The following CEP290 variants were observed in gnomAD, a reference collection of about 807,000 sequenced individuals.
CEP290 encodes the protein centrosomal protein 290.
In CEP290, 317 loss-of-function variants were observed where a neutral mutation model predicts 344.9. That is an observed-to-expected ratio of 0.92 (90% CI 0.84 to 1.01). The LOEUF is 1.01. CEP290 is among the 50% of genes least tolerant of loss of function. The probability of loss-of-function intolerance (pLI) is 0.00; values close to 1 mark genes in which losing one functional copy is unlikely to be tolerated. For synonymous variants in CEP290, 932 were observed against 895.8 expected (o/e 1.04, Z -0.72); for missense variants, 2,754 against 2,761.4 (o/e 1.00, Z 0.06).
chr12:88,118,374 A>G, intron 17 of CEP290, 109 bp downstream of exon 17: 1 of 807,928 alleles, frequency 1.2e-6, no homozygotes, highest in Non-Finnish European at 2.0e-6. Flanking sequence ...TTAAATTTGT[A>G]GCAGATCCAC....
chr12:88,086,531 C>A, intron 32 of CEP290, 33 bp from the exon 33 acceptor site: 2 of 1,469,380 alleles, frequency 1.4e-6, no homozygotes, highest in Non-Finnish European at 9.3e-7. Context: ...CAGACACATA[C>A]ACGAAGACAT....
chr12:88,077,834 C>A lies in CEP290; in HGVS notation c.5449G>T (p.Asp1817Tyr), dbSNP rs1565822715. 2 of 1,507,086 alleles carry A rather than the reference C, an allele frequency of 1.3e-6. No homozygotes were observed. Among genetic ancestry groups the A allele is most frequent in the Non-Finnish European group, 1.8e-6 (2 of 1,101,540 alleles). The allele number at this position is 1,507,086 out of a possible 1,614,324, so 93.4% of individuals were successfully genotyped here. A position where few individuals can be genotyped will look rare whatever the true frequency, so the allele number is the denominator to read the frequency against. The change falls in exon 40 of 54, where the codon GAT becomes TAT. Residue 1817 changes from aspartate to tyrosine, a missense_variant. By Grantham distance (160) the Asp-to-Tyr change is radical (BLOSUM62 -3). Coordinates refer to ENST00000552810, the MANE Select transcript of CEP290 (RefSeq NM_025114.4). ...TCATTATTTAAGTCATTCAAATTATCAGTTAGTGAGTTTTCTCTGTTTTTA... is the reference window on the plus strand; with the variant it reads ...TCATTATTTAAGTCATTCAAATTATAAGTTAGTGAGTTTTCTCTGTTTTTA... Reference protein sequence around the residue: ...TSKNRENSLTDNLNDLNNELQ... With the variant: ...TSKNRENSLTYNLNDLNNELQ...
intron 26 of CEP290, among the ~76,000 whole-genome samples, chr12:88,100,131 G>A (rs534587046): frequency 5.3e-5 from 8 of 151,920 alleles, no homozygotes; most frequent in South Asian, 2.1e-4. Context: ...TTAGCCGGCC[G>A]TGCTGGTGGG....
intron 44 of CEP290, among the ~76,000 whole-genome samples, chr12:88,066,192 C>T (rs999297311): frequency 6.6e-6 from 1 of 152,130 alleles, no homozygotes; most frequent in Non-Finnish European, 1.5e-5. Flanking sequence ...ACGATAAATG[C>T]TATGAACAAA....
At chr12:88,099,832 C>A (rs1341457699) in intron 26 of CEP290, among the ~76,000 whole-genome samples, 1 of 151,928 alleles carries the variant, frequency 6.6e-6, no homozygotes, top group East Asian at 1.9e-4. Context: ...ACAGGATAAT[C>A]CTATTGTTTG....
At chr12:88,104,098 A>G (rs1287662421) in intron 25 of CEP290, 3 of 152,132 alleles carry the variant, frequency 2.0e-5, no homozygotes, top group Non-Finnish European at 2.9e-5. Flanking sequence ...AATCTAACAC[A>G]AAAATAAGAC....
rs1273499608 is a variant in CEP290, at chr12:88,083,186, A to G, written c.4857T>C (p.His1619=). Residue 1619 remains histidine, a synonymous_variant, in exon 37 of 54, where the codon CAT becomes CAC. Coordinates refer to ENST00000552810, the MANE Select transcript of CEP290 (RefSeq NM_025114.4). ...GTTCCATCTCAGCCAGACGAATAAA[A>G]TGCTTGTTGGTAGGAACTGGAGTGG... ...QSPTPVPTNK[H]FIRLAEMEQT... is the part of the protein sequence containing the mutation. The G allele has an allele frequency of 6.5e-7, 1 of 1,530,366 alleles. No individual in the cohort carries two copies. The highest frequency in any genetic ancestry group is 2.4e-5 in the East Asian group (1 of 41,052). 94.8% of individuals were successfully genotyped at this position (1,530,366 alleles called of 1,614,324 possible).
intron 40 of CEP290, 76 bp downstream of exon 40, chr12:88,077,621 T>C (rs1292533406): frequency 3.3e-6 from 3 of 907,096 alleles, no homozygotes; most frequent in East Asian, 2.6e-5. Context: ...ATACCATAGA[T>C]AAAATGATAA....
chr12:88,080,512 C>T, intron 37 of CEP290, 117 bp from the exon 38 acceptor site: 1 of 668,010 alleles, frequency 1.5e-6, no homozygotes, highest in Non-Finnish European at 2.4e-6. Flanking sequence ...TGACTGCAAC[C>T]TCTGCCTCCC....
chr12:88,083,818 A>C (rs751548834), intron 36 of CEP290, 29 bp downstream of exon 36: 25 of 1,363,816 alleles, frequency 1.8e-5, no homozygotes, highest in Non-Finnish European at 2.4e-5. Context: ...AAATCAATAA[A>C]GAATGGAACA....
chr12:88,071,343 C>T lies in CEP290; in HGVS notation c.5962G>A (p.Glu1988Lys). ...AAGTCAAGATTTCTCTTTTTTAATTCTTCCAATTCTTTTTCTGACTCCAAA... is the reference window on the plus strand; with the variant it reads ...AAGTCAAGATTTCTCTTTTTTAATTTTTCCAATTCTTTTTCTGACTCCAAA... ...RALESEKELE[E>K]LKKRNLDLEN... is the part of the protein sequence containing the mutation. Residue 1988 changes from glutamate to lysine, a missense_variant, in exon 43 of 54, where the codon GAA becomes AAA. Transcript: ENST00000552810. 1 of 1,607,888 alleles carries T rather than the reference C, an allele frequency of 6.2e-7. No individual in the cohort carries two copies. The highest frequency in any genetic ancestry group is 1.7e-5 in the Admixed American group (1 of 59,440).
At chr12:88,085,799 T>C (rs995151305) in intron 34 of CEP290, among the ~76,000 whole-genome samples, 2 of 152,162 alleles carry the variant, frequency 1.3e-5, no homozygotes, top group Non-Finnish European at 2.9e-5. Flanking sequence ...AAATGCTTTT[T>C]ATTTCCTTTC....
chr12:88,077,547 C>T (rs1264525613), intron 40 of CEP290, 150 bp downstream of exon 40: 4 of 665,858 alleles, frequency 6.0e-6, no homozygotes, highest in African/African-American at 5.6e-5. Context: ...ACTATAAACA[C>T]AATAGAAGTC....
chr12:88,053,622 G>T, intron 52 of CEP290, 30 bp downstream of exon 52: 1 of 1,150,258 alleles, frequency 8.7e-7, no homozygotes. Context: ...AAACTTGGGG[G>T]TAGCTAACAT....
Position 88,052,251 on chromosome 12 carries a change from T to G in CEP290, c.7129+1401A>C, listed in dbSNP as rs74352895. ...AATCCTTTGGAGAGAATGGCATCTC[T>G]ATCATCCTATCACAATGGCATAATT... On this transcript the variant is annotated intron_variant, in intron 52 of 53. Coordinates refer to ENST00000552810, the MANE Select transcript of CEP290 (RefSeq NM_025114.4). Among the ~76,000 whole-genome samples, 497 of 152,322 alleles carry G rather than the reference T, an allele frequency of 3.3e-3. 5 individuals are homozygous for G. The highest frequency in any genetic ancestry group is 0.011 in the African/African-American group (477 of 41,588).
At chr12:88,067,935 TC>T (rs1441778310) in intron 44 of CEP290, among the ~76,000 whole-genome samples, 1 of 152,222 alleles carries the variant, frequency 6.6e-6, no homozygotes, top group Non-Finnish European at 1.5e-5. Flanking sequence ...GTTGCCATGA[TC>T]TTTTTTGGTT....
chr12:88,139,162 GT>G lies in CEP290; in HGVS notation c.279del (p.Lys93AsnfsTer32). ...AGACATACCTCCAGTTCATTTTCCA[GT>G]TTCATTACTTTAGTTTTTAATTGAT... ...FENQLKTKVM[K>X]LENELEMAQQ... On this transcript the variant is annotated frameshift_variant, in exon 5 of 54. Coordinates refer to ENST00000552810, the MANE Select transcript of CEP290 (RefSeq NM_025114.4). LOFTEE classifies it high-confidence loss of function. 8.4e-7 allele frequency: 1 copy of G among 1,190,352 alleles called. No homozygotes were observed. The highest frequency in any genetic ancestry group is 1.1e-6 in the Non-Finnish European group (1 of 870,008). 73.7% of individuals were successfully genotyped at this position (1,190,352 alleles called of 1,614,324 possible).
chr12:88,116,993 A>AAT (rs750112642), intron 18 of CEP290, 40 bp downstream of exon 18: 1 of 1,058,562 alleles, frequency 9.4e-7, no homozygotes, highest in East Asian at 2.8e-5. Flanking sequence ...AAAAAAAAAA[A>AAT]ATATTTTCCT....
chr12:88,090,033 T>C (rs1479189143), intron 30 of CEP290, among the ~76,000 whole-genome samples: 4 of 152,056 alleles, frequency 2.6e-5, no homozygotes, highest in Middle Eastern at 3.4e-3. Flanking sequence ...CTGTTACAGT[T>C]TTTTTTTAAC....
Sources: allele counts gnomAD v4.1 joint callset (sites outside exome capture counted in the v4.1 genomes callset), GRCh38; gene constraint gnomAD v4.1.1; transcripts MANE v1.5; gene names NCBI Gene and HGNC (gene_info 2026-07-23, HGNC 2026-07-21).